CDKAL1: variants seen among roughly 807,000 people sequenced by gnomAD.
The protein encoded by CDKAL1 is CDKAL1 threonylcarbamoyladenosine tRNA methylthiotransferase, also known as threonylcarbamoyladenosine tRNA methylthiotransferase.
CDKAL1 carries 32 observed loss-of-function variants against 68.2 expected under a neutral mutation model. That is an observed-to-expected ratio of 0.47 (90% confidence interval 0.35 to 0.63). The LOEUF is 0.63. Ranked by LOEUF, CDKAL1 falls within the 30% of genes least tolerant of loss-of-function variation. The pLI is 0.00. For synonymous variants in CDKAL1, 234 were observed against 244.3 expected (o/e 0.96, Z 0.39); for missense variants, 606 against 696.7 (o/e 0.87, Z 1.47).
At chr6:20,987,855 C>T (rs1257112202) in intron 10 of CDKAL1, among the ~76,000 whole-genome samples, 1 of 151,858 alleles carries the variant, frequency 6.6e-6, no homozygotes, top group East Asian at 1.9e-4. Flanking sequence ...TCACGACTCA[C>T]TGCAGCCTTG....
intron 9 of CDKAL1, among the ~76,000 whole-genome samples, chr6:20,935,893 C>T (rs1201553866): frequency 6.6e-6 from 1 of 152,162 alleles, no homozygotes; most frequent in Non-Finnish European, 1.5e-5. Flanking sequence ...ACCTGCTTCC[C>T]CACACTCTTG....
In CDKAL1 at chr6:20,724,893, AT is replaced by A. The variant is rs1327206946; in HGVS notation, c.372-14621del. ...TCATAAACCTTATCCCTTTAATTAA[AT>A]TTTTAGTAGGAACCAGAATGTAAAT... On this transcript the variant is annotated intron_variant, in intron 5 of 15. Transcript: ENST00000274695. 7.9e-5 allele frequency among the ~76,000 whole-genome samples: 12 copies of A among 152,184 alleles called. 1 individual carries two copies. Among genetic ancestry groups the A allele is most frequent in the Non-Finnish European group, 1.5e-5 (1 of 68,032 alleles).
intron 12 of CDKAL1, among the ~76,000 whole-genome samples, chr6:21,092,219 C>T (rs1319229837): frequency 1.5e-4 from 9 of 58,748 alleles, no homozygotes; most frequent in East Asian, 5.5e-4. Context: ...TTTTTTTTTT[C>T]TGGGTCGGGG....
intron 13 of CDKAL1, among the ~76,000 whole-genome samples, chr6:21,185,892 A>G (rs1027181501): frequency 1.3e-5 from 2 of 152,216 alleles, no homozygotes; most frequent in Admixed American, 1.3e-4. Context: ...CAGGACTTGT[A>G]TGTGCTTGAG....
chr6:21,115,398 G>A (rs1398591118), intron 13 of CDKAL1, among the ~76,000 whole-genome samples: 1 of 152,182 alleles, frequency 6.6e-6, no homozygotes, highest in African/African-American at 2.4e-5. Flanking sequence ...TGAGCTTTGA[G>A]CTATCTGCTG....
rs1370801032 is a variant in CDKAL1 at position 21,063,260 on chromosome 6, T to C, written c.1056-1788T>C. Among the ~76,000 whole-genome samples the C allele has an allele frequency of 2.6e-5, 4 of 152,234 alleles. No individual in the cohort carries two copies. In the East Asian group the frequency reaches 7.7e-4, roughly 29 times the overall value. Reference sequence around the variant, plus strand: ...AAAGTTGATATTCTATGTTTTGACATTGGAGCCATTTTCCCTATTGTTTAT... The same window carrying C: ...AAAGTTGATATTCTATGTTTTGACACTGGAGCCATTTTCCCTATTGTTTAT... On this transcript the variant is annotated intron_variant, in intron 11 of 15. Coordinates refer to ENST00000274695, the MANE Select transcript of CDKAL1 (RefSeq NM_017774.3).
At chr6:21,229,073 G>A (rs1779859548) in intron 15 of CDKAL1, among the ~76,000 whole-genome samples, 1 of 152,186 alleles carries the variant, frequency 6.6e-6, no homozygotes, top group Admixed American at 6.5e-5. Flanking sequence ...TACCTGAGGA[G>A]TGCAGCAGTA....
intron 9 of CDKAL1, among the ~76,000 whole-genome samples, chr6:20,857,052 C>T (rs1271115006): frequency 6.6e-6 from 1 of 152,086 alleles, no homozygotes; most frequent in Non-Finnish European, 1.5e-5. Context: ...AATTTCCTGC[C>T]TGGAAAAAGA....
At chr6:21,181,875 GATAGACT>G (rs1777802626) in intron 13 of CDKAL1, among the ~76,000 whole-genome samples, 1 of 152,038 alleles carries the variant, frequency 6.6e-6, no homozygotes, top group Non-Finnish European at 1.5e-5. Flanking sequence ...TTACTGTACT[GATAGACT>G]ACCTGTTATT....
chr6:20,543,261 A>G (rs1763458011), intron 2 of CDKAL1, among the ~76,000 whole-genome samples: 1 of 152,234 alleles, frequency 6.6e-6, no homozygotes, highest in South Asian at 2.1e-4. Context: ...TGGAGTGGCT[A>G]TACCATTTTT....
intron 2 of CDKAL1, among the ~76,000 whole-genome samples, chr6:20,536,760 G>A (rs887399059): frequency 5.3e-5 from 8 of 152,134 alleles, no homozygotes; most frequent in Non-Finnish European, 1.5e-5. Context: ...GGGCCAAGAT[G>A]GGAGGAGTTT....
At chr6:21,114,045 G>A (rs984348593) in intron 13 of CDKAL1, among the ~76,000 whole-genome samples, 2 of 151,966 alleles carry the variant, frequency 1.3e-5, no homozygotes, top group South Asian at 2.1e-4. Flanking sequence ...TCCAGAGAGC[G>A]AGACCATCCT....
At chr6:21,154,541 G>A (rs567024204) in intron 13 of CDKAL1, among the ~76,000 whole-genome samples, 1 of 152,210 alleles carries the variant, frequency 6.6e-6, no homozygotes, top group South Asian at 2.1e-4. Context: ...GTATTGCTTA[G>A]TTTCTGAAGC....
At chr6:20,619,312 A>G (rs1470010019) in intron 4 of CDKAL1, among the ~76,000 whole-genome samples, 1 of 152,214 alleles carries the variant, frequency 6.6e-6, no homozygotes, top group East Asian at 1.9e-4. Flanking sequence ...CCATTGTACA[A>G]CATGGTGACA....
At chr6:20,764,076 T>A (rs888949920) in intron 7 of CDKAL1, among the ~76,000 whole-genome samples, 1 of 148,298 alleles carries the variant, frequency 6.7e-6, no homozygotes, top group East Asian at 1.9e-4. Flanking sequence ...CATTAAAAAC[T>A]TTTTTTTGTA....
chr6:21,015,512 A>T (rs969233393), intron 11 of CDKAL1, among the ~76,000 whole-genome samples: 1 of 152,068 alleles, frequency 6.6e-6, no homozygotes, highest in Non-Finnish European at 1.5e-5. Context: ...AAAATACATT[A>T]TTCTTTTTGA....
chr6:20,967,482 CAT>C (rs1440656585), intron 10 of CDKAL1, among the ~76,000 whole-genome samples: 3 of 152,122 alleles, frequency 2.0e-5, no homozygotes, highest in African/African-American at 7.2e-5. Context: ...ATTATAATAA[CAT>C]ATGAAAACTT....
intron 9 of CDKAL1, among the ~76,000 whole-genome samples, chr6:20,885,395 G>A (rs1300039433): frequency 6.6e-6 from 1 of 152,072 alleles, no homozygotes; most frequent in Non-Finnish European, 1.5e-5. Context: ...TTTTGACCAG[G>A]GAACCACATT....
chr6:21,015,819 G>A (rs114064920), intron 11 of CDKAL1, among the ~76,000 whole-genome samples: 1,536 of 151,674 alleles, frequency 0.01, 27 homozygotes, highest in African/African-American at 0.035. Context: ...CCCATGGCGC[G>A]CGCCTATAAT....
Sources: allele counts gnomAD v4.1 joint callset (sites outside exome capture counted in the v4.1 genomes callset), GRCh38; gene constraint gnomAD v4.1.1; transcripts MANE v1.5; gene names NCBI Gene and HGNC (gene_info 2026-07-23, HGNC 2026-07-21).